The following SEMA5A variants were observed in gnomAD, a reference collection of about 807,000 sequenced individuals.
SEMA5A encodes the protein semaphorin-5A.
In SEMA5A, 55 loss-of-function variants were observed where a neutral mutation model predicts 135.5. The ratio of observed to expected loss-of-function variants is 0.41; its 90% confidence interval spans 0.33 to 0.51. The LOEUF (loss-of-function observed/expected upper bound fraction) is 0.51, where lower values mean the gene tolerates loss of function less well. Ranked by LOEUF, SEMA5A falls within the 20% of genes least tolerant of loss-of-function variation. SEMA5A has a pLI of 0.37. For missense variants in SEMA5A, 1,290 were observed against 1,419.9 expected (o/e 0.91, Z 1.47); for synonymous variants, 580 against 546.5 (o/e 1.06, Z -0.85).
intron 2 of SEMA5A, among the ~76,000 whole-genome samples, chr5:9,389,401 G>C (rs536217850): frequency 2.2e-4 from 34 of 152,196 alleles, no homozygotes; most frequent in African/African-American, 8.2e-4. Flanking sequence ...CATCAAAATA[G>C]GGGTATTTAC....
chr5:9,431,775 C>T (rs1397732324), intron 2 of SEMA5A, among the ~76,000 whole-genome samples: 1 of 152,190 alleles, frequency 6.6e-6, no homozygotes, highest in Non-Finnish European at 1.5e-5. Context: ...CATGTAAATC[C>T]AAATCCAAGC....
At chr5:9,053,353 C>CT (rs1480163747) in intron 19 of SEMA5A, among the ~76,000 whole-genome samples, 1 of 152,240 alleles carries the variant, frequency 6.6e-6, no homozygotes, top group Non-Finnish European at 1.5e-5. Context: ...ACCTCAGACT[C>CT]TGTTATTAGG....
chr5:9,092,892 T>TAC (rs1251803845), intron 16 of SEMA5A, among the ~76,000 whole-genome samples: 1 of 152,220 alleles, frequency 6.6e-6, no homozygotes, highest in African/African-American at 2.4e-5. Context: ...TTCACTACCC[T>TAC]ACACTCTGCA....
chr5:9,379,314 A>G (rs2126475796), intron 3 of SEMA5A, among the ~76,000 whole-genome samples: 1 of 152,350 alleles, frequency 6.6e-6, no homozygotes, highest in Admixed American at 6.5e-5. Flanking sequence ...AATGAATGAA[A>G]GAATAAATGA....
chr5:9,226,764 C>T, intron 7 of SEMA5A, 105 bp downstream of exon 7: 2 of 811,106 alleles, frequency 2.5e-6, no homozygotes, highest in Non-Finnish European at 2.0e-6. Context: ...TAGAATTGAA[C>T]AGCAACACCT....
At chr5:9,162,589 C>CATATAT (rs1453805492) in intron 11 of SEMA5A, among the ~76,000 whole-genome samples, 6,346 of 99,038 alleles carry the variant, frequency 0.064, 603 homozygotes, top group African/African-American at 0.17. Flanking sequence ...TATATATACA[C>CATATAT]ACACACACAC....
intron 21 of SEMA5A, among the ~76,000 whole-genome samples, chr5:9,045,653 G>T (rs1663419873): frequency 6.6e-6 from 1 of 152,116 alleles, no homozygotes; most frequent in African/African-American, 2.4e-5. Context: ...TATTTTGAAG[G>T]TCTTGTCAAG....
At chr5:9,508,799 G>A (rs938200232) in intron 1 of SEMA5A, among the ~76,000 whole-genome samples, 2 of 152,066 alleles carry the variant, frequency 1.3e-5, no homozygotes, top group Non-Finnish European at 2.9e-5. Flanking sequence ...TCTTTGGCAC[G>A]AAGGAAGTTC....
At chr5:9,313,396 A>G (rs1752233115) in intron 5 of SEMA5A, among the ~76,000 whole-genome samples, 1 of 152,098 alleles carries the variant, frequency 6.6e-6, no homozygotes, top group South Asian at 2.1e-4. Context: ...TTCTGGGTTA[A>G]CGTTACTTTT....
chr5:9,329,617 TAGG>T (rs998068275), intron 4 of SEMA5A, among the ~76,000 whole-genome samples: 1 of 152,228 alleles, frequency 6.6e-6, no homozygotes, highest in African/African-American at 2.4e-5. Flanking sequence ...GTGGACCTGG[TAGG>T]AGAAAAGCTC....
At chr5:9,402,976 T>C (rs751913252) in intron 2 of SEMA5A, among the ~76,000 whole-genome samples, 1 of 152,180 alleles carries the variant, frequency 6.6e-6, no homozygotes, top group Non-Finnish European at 1.5e-5. Flanking sequence ...TCTTCCTGCC[T>C]CATGGTCCTC....
At chr5:9,273,041 T>C (rs929945055) in intron 5 of SEMA5A, among the ~76,000 whole-genome samples, 1 of 152,078 alleles carries the variant, frequency 6.6e-6, no homozygotes, top group African/African-American at 2.4e-5. Context: ...CTTCAGAAGG[T>C]GGGTAATAAC....
At chr5:9,154,059 AAAAATAT>A (rs1742791278) in intron 12 of SEMA5A, among the ~76,000 whole-genome samples, 2 of 49,004 alleles carry the variant, frequency 4.1e-5, no homozygotes, top group Non-Finnish European at 1.1e-4. Context: ...AAAAAAAAAA[AAAAATAT>A]ATATATATAT....
intron 1 of SEMA5A, among the ~76,000 whole-genome samples, chr5:9,463,801 T>C (rs1355205753): frequency 6.6e-6 from 1 of 152,196 alleles, no homozygotes; most frequent in Admixed American, 6.5e-5. Flanking sequence ...GCTGTAACCA[T>C]CAGACTTAGC....
chr5:9,126,076 C>T (rs973689046), intron 13 of SEMA5A, among the ~76,000 whole-genome samples: 4 of 152,096 alleles, frequency 2.6e-5, no homozygotes, highest in Non-Finnish European at 4.4e-5. Flanking sequence ...CAAGCAATAA[C>T]GGTGGTCAGA....
intron 1 of SEMA5A, among the ~76,000 whole-genome samples, chr5:9,452,629 C>T (rs1461084676): frequency 6.6e-6 from 1 of 152,100 alleles, no homozygotes; most frequent in Non-Finnish European, 1.5e-5. Context: ...TTAATCCAGA[C>T]CAAACAAAAC....
chr5:9,231,863 T>C (rs545940494), intron 6 of SEMA5A, among the ~76,000 whole-genome samples: 1 of 152,286 alleles, frequency 6.6e-6, no homozygotes, highest in East Asian at 1.9e-4. Flanking sequence ...ACAGTGCACA[T>C]CTCCAAGGCC....
intron 6 of SEMA5A, 189 bp downstream of exon 6, chr5:9,237,639 A>G: frequency 2.4e-6 from 1 of 417,756 alleles, no homozygotes; most frequent in African/African-American, 2.0e-5. Flanking sequence ...TTTGGAAATG[A>G]TTGATTGCTG....
intron 8 of SEMA5A, among the ~76,000 whole-genome samples, chr5:9,221,514 G>T (rs957934998): frequency 5.3e-5 from 8 of 151,484 alleles, no homozygotes; most frequent in African/African-American, 1.9e-4. Flanking sequence ...GTGTTAGCCA[G>T]GATGGTCTCG....
Sources: allele counts gnomAD v4.1 joint callset (sites outside exome capture counted in the v4.1 genomes callset), GRCh38; gene constraint gnomAD v4.1.1; transcripts MANE v1.5; gene names NCBI Gene and HGNC (gene_info 2026-07-23, HGNC 2026-07-21).